The following PTGS1 variants were observed in gnomAD, a reference collection of about 807,000 sequenced individuals.
PTGS1 encodes prostaglandin G/H synthase 1.
In PTGS1, 40 loss-of-function variants were observed where a neutral mutation model predicts 63.0. That is an observed-to-expected ratio of 0.63 (90% CI 0.49 to 0.83). PTGS1 has a LOEUF of 0.83. Among genes scored for constraint, PTGS1 ranks in the 40% least tolerant of loss-of-function variants. PTGS1 has a pLI of 0.00. For missense variants in PTGS1, 709 were observed against 786.5 expected, an observed-to-expected ratio of 0.90 and a Z score of 1.18; for synonymous variants, 298 against 301.9, an observed-to-expected ratio of 0.99 and a Z score of 0.13.
intron 8 of PTGS1, among the ~76,000 whole-genome samples, chr9:122,384,370 C>G (rs1421114474): frequency 6.6e-6 from 1 of 152,198 alleles, no homozygotes; most frequent in African/African-American, 2.4e-5. Flanking sequence ...TCCCTTCCCC[C>G]ACCTCTGGCA....
chr9:122,382,608 T>A (rs1837593341), intron 7 of PTGS1, among the ~76,000 whole-genome samples: 1 of 152,354 alleles, frequency 6.6e-6, no homozygotes. Flanking sequence ...AGTTCTTCAT[T>A]CACACTAGCC....
Position 122,381,357 on chromosome 9 carries a change from T to C in PTGS1, c.497-14T>C. On this transcript the variant is annotated splice_polypyrimidine_tract_variant and intron_variant, in intron 5 of 10. Transcript: ENST00000362012. ...GATAGGAGAAGCTACTGCTGTTTCC[T>C]ACCCCCCAACCAGGGAAGAAGCAGT... is the stretch of plus-strand genomic sequence containing the variant. The C allele has an allele frequency of 1.9e-6, 3 of 1,612,820 alleles. No individual in the cohort carries two copies. Among genetic ancestry groups the C allele is most frequent in the Non-Finnish European group, 2.5e-6 (3 of 1,179,330 alleles).
intron 10 of PTGS1, among the ~76,000 whole-genome samples, chr9:122,391,345 T>C (rs1304853706): frequency 2.7e-5 from 3 of 112,688 alleles, no homozygotes; most frequent in African/African-American, 1.7e-4. Context: ...TGTATATATA[T>C]ACTATATATA....
rs1837508663 is a variant in PTGS1, at chr9:122,381,435, A to G, written c.561A>G (p.Ile187Met). The G allele has an allele frequency of 2.5e-6, 4 of 1,614,160 alleles. No individual in the cohort carries two copies. The East Asian group carries it at 8.9e-5, about 36-fold the overall frequency. ...GCTTCCTGCTCAGGAGGAAGTTCAT[A>G]CCTGACCCCCAAGGCACCAACCTCA... The part of the protein sequence containing the change: ...ARRFLLRRKF[I>M]PDPQGTNLMF... The change falls in exon 6 of 11, where the codon ATA becomes ATG. Residue 187 changes from isoleucine (I) to methionine (M), a missense_variant. Transcript: ENST00000362012.
At chr9:122,386,933 G>A in intron 9 of PTGS1, among the ~76,000 whole-genome samples, 1 of 152,034 alleles carries the variant, frequency 6.6e-6, no homozygotes, top group East Asian at 1.9e-4. Context: ...AGATGTAGTG[G>A]GAACAAGACT....
In PTGS1 at chr9:122,378,583, G is replaced by A. The variant is rs765277898; in HGVS notation, c.352+10G>A. ...CGCCTGGTACTCACAGGTGGGTGTG[G>A]GGCAGGGCCCCCTGACCTGGGGGAG... On this transcript the variant is annotated intron_variant, in intron 4 of 10. Transcript: ENST00000362012. 9.9e-6 allele frequency: 16 copies of A among 1,614,012 alleles called. No individual in the cohort carries two copies. In the African/African-American group the frequency reaches 1.9e-4, roughly 19 times the overall value.
intron 8 of PTGS1, among the ~76,000 whole-genome samples, chr9:122,385,859 T>A (rs2119167350): frequency 6.6e-6 from 1 of 152,160 alleles, no homozygotes; most frequent in South Asian, 2.1e-4. Flanking sequence ...CATGTCCTGC[T>A]TAGCTGGGCC....
chr9:122,389,961 A>T (rs10306173), intron 9 of PTGS1, among the ~76,000 whole-genome samples: 8,110 of 150,970 alleles, frequency 0.054, 659 homozygotes, highest in African/African-American at 0.18. Flanking sequence ...GACAGTGTCT[A>T]AAAAAAAACC....
rs1465507375 is a variant in PTGS1, at chr9:122,378,883, T to A, written c.461T>A (p.Val154Glu). The A allele has an allele frequency of 6.2e-7, 1 of 1,614,132 alleles. No individual in the cohort carries two copies. The highest frequency in any genetic ancestry group is 8.5e-7 in the Non-Finnish European group (1 of 1,180,050). ...TATTACACTCGTATTCTGCCCTCTG[T>A]GCCTAAAGATTGCCCCACACCCATG... ...VSYYTRILPSVPKDCPTPMGT... is the reference protein window; with the variant it reads ...VSYYTRILPSEPKDCPTPMGT... The change falls in exon 5 of 11, where the codon GTG (valine) becomes GAG (glutamate). Residue 154 changes from valine (V) to glutamate (E), a missense_variant. Transcript: ENST00000362012.
In PTGS1 at chr9:122,393,951, G is replaced by A. The variant is rs200390544; in HGVS notation, c.*1407G>A. Reference sequence around the variant, plus strand: ...CTATGTGCCAGTTCCTGTAACAGGTGTGGGGACACAGCAGTGAGTAATCAA... The same window carrying A: ...CTATGTGCCAGTTCCTGTAACAGGTATGGGGACACAGCAGTGAGTAATCAA... On this transcript the variant is annotated 3_prime_UTR_variant, in exon 11 of 11. Coordinates refer to ENST00000362012, the MANE Select transcript of PTGS1 (RefSeq NM_000962.4). The A allele has an allele frequency of 2.6e-5, 4 of 152,384 alleles. No individual in the cohort carries two copies. Among genetic ancestry groups the A allele is most frequent in the Non-Finnish European group, 4.4e-5 (3 of 68,048 alleles). The allele number at this position is 152,384 out of a possible 1,614,324, so 9.4% of individuals were successfully genotyped here. A position where few individuals can be genotyped will look rare whatever the true frequency, so the allele number is the denominator to read the frequency against.
intron 10 of PTGS1, among the ~76,000 whole-genome samples, 180 bp downstream of exon 10, chr9:122,390,525 C>T (rs1253021908): frequency 6.6e-6 from 1 of 152,140 alleles, no homozygotes; most frequent in Non-Finnish European, 1.5e-5. Flanking sequence ...GAGAAGGTGA[C>T]TTTTCAGCTG....
At chr9:122,372,265 A>G (rs114195355) in intron 2 of PTGS1, among the ~76,000 whole-genome samples, 2,140 of 152,184 alleles carry the variant, frequency 0.014, 43 homozygotes, top group African/African-American at 0.048. Flanking sequence ...AAGAGGAAAG[A>G]TATGTACATG....
chr9:122,383,077 G>A (rs1425751127), intron 7 of PTGS1, among the ~76,000 whole-genome samples: 2 of 152,190 alleles, frequency 1.3e-5, no homozygotes, highest in African/African-American at 2.4e-5. Context: ...TTACAGGAAG[G>A]TGGAGATGTC....
At chr9:122,382,079 A>G (rs10306149) in intron 7 of PTGS1, among the ~76,000 whole-genome samples, 39,088 of 152,116 alleles carry the variant, frequency 0.26, 7,887 homozygotes, top group African/African-American at 0.56. Flanking sequence ...AGTAGTGACC[A>G]TTATAGTTAA....
At chr9:122,391,460 C>T (rs1399746409) in intron 10 of PTGS1, among the ~76,000 whole-genome samples, 2 of 140,166 alleles carry the variant, frequency 1.4e-5, no homozygotes, top group African/African-American at 2.6e-5. Flanking sequence ...CCCCAATATC[C>T]TCAGATGTTG....
chr9:122,375,112 A>G (rs1456148029), intron 2 of PTGS1, among the ~76,000 whole-genome samples: 3 of 151,930 alleles, frequency 2.0e-5, no homozygotes, highest in Non-Finnish European at 4.4e-5. Flanking sequence ...GCCCACCCTG[A>G]CACCTTGGGG....
Position 122,383,659 on chromosome 9 carries a change from C to G in PTGS1, c.913C>G (p.Leu305Val). The G allele has an allele frequency of 6.2e-7, 1 of 1,614,152 alleles. No individual in the cohort carries two copies. The highest frequency in any genetic ancestry group is 8.5e-7 in the Non-Finnish European group (1 of 1,180,024). The change falls in exon 8 of 11, where the codon CTA becomes GTA. Residue 305 changes from leucine to valine, a missense_variant. Transcript: ENST00000362012. ...PGLMLYATLW[L>V]REHNRVCDLL... ...GCTCATGCTGTATGCCACGCTCTGGCTACGTGAGCACAACCGTGTGTGTGA... is the reference window on the plus strand; with the variant it reads ...GCTCATGCTGTATGCCACGCTCTGGGTACGTGAGCACAACCGTGTGTGTGA...
upstream of PTGS1, chr9:122,370,735 C>A (rs1161537851): frequency 5.8e-6 from 3 of 517,494 alleles, no homozygotes; most frequent in African/African-American, 5.7e-5. Context: ...TCAGACGAGC[C>A]GCTTCCATCC....
chr9:122,370,900 T>G, upstream of PTGS1: 2 of 979,086 alleles, frequency 2.0e-6, no homozygotes, highest in Non-Finnish European at 2.9e-6. Context: ...ATACACTAAT[T>G]AATAAAATGC....
Sources: gnomAD v4.1 joint callset for allele counts (sites outside exome capture counted in the v4.1 genomes callset) on GRCh38, gnomAD v4.1.1 for gene constraint, MANE v1.5 for transcripts, NCBI Gene and HGNC (gene_info 2026-07-23, HGNC 2026-07-21) for gene names.